TRPM1: variants seen among roughly 807,000 people sequenced by gnomAD.
TRPM1 encodes the protein transient receptor potential cation channel subfamily M member 1, also known as TRPM1-203 APA Isoform, Intron 10.
In TRPM1, 113 loss-of-function variants were observed where a neutral mutation model predicts 149.4. The ratio of observed to expected loss-of-function variants is 0.76; its 90% CI spans 0.65 to 0.88. The LOEUF (loss-of-function observed/expected upper bound fraction) is 0.88. TRPM1 is among the 40% of genes least tolerant of loss of function. The pLI is 0.00. For synonymous variants in TRPM1, 741 were observed against 759.5 expected (o/e 0.98, Z 0.40); for missense variants, 1,976 against 2,038.7 (o/e 0.97, Z 0.59).
intron 1 of TRPM1, among the ~76,000 whole-genome samples, chr15:31,115,684 C>T (rs1253778834): frequency 6.6e-6 from 1 of 151,760 alleles, no homozygotes; most frequent in Non-Finnish European, 1.5e-5. Context: ...TTCCTGTTTC[C>T]AGCAGGGGAT....
intron 3 of TRPM1, among the ~76,000 whole-genome samples, chr15:31,073,122 A>T (rs2034602966): frequency 6.6e-6 from 1 of 152,086 alleles, no homozygotes; most frequent in South Asian, 2.1e-4. Context: ...TTTTCTTCTA[A>T]GAGTTTTATA....
At chr15:31,078,242 G>T (rs1434237148) in intron 2 of TRPM1, among the ~76,000 whole-genome samples, 3 of 152,114 alleles carry the variant, frequency 2.0e-5, no homozygotes, top group African/African-American at 7.2e-5. Context: ...GCTCTGGGAG[G>T]TCCCTTGTCT....
intron 1 of TRPM1, among the ~76,000 whole-genome samples, chr15:31,101,169 TC>T (rs2035507016): frequency 6.6e-6 from 1 of 152,202 alleles, no homozygotes; most frequent in East Asian, 1.9e-4. Flanking sequence ...GTGCACCTTT[TC>T]CCTGAAGCAA....
chr15:31,085,270 C>T (rs917841699), intron 1 of TRPM1, among the ~76,000 whole-genome samples: 2 of 152,194 alleles, frequency 1.3e-5, no homozygotes, highest in African/African-American at 4.8e-5. Context: ...ATGGTTACAT[C>T]CTTGGCATTT....
chr15:31,030,254 A>T (rs969791270), intron 23 of TRPM1, among the ~76,000 whole-genome samples: 1 of 152,248 alleles, frequency 6.6e-6, no homozygotes, highest in Non-Finnish European at 1.5e-5. Context: ...ATTATAGCTG[A>T]TGCTTTATGA....
At chr15:31,078,559 C>T (rs577923980) in intron 2 of TRPM1, among the ~76,000 whole-genome samples, 10 of 152,228 alleles carry the variant, frequency 6.6e-5, no homozygotes, top group South Asian at 4.1e-4. Context: ...AAAACAACAT[C>T]GCTGGCCTCA....
chr15:31,004,917 T>A (rs2031930247), intron 27 of TRPM1, among the ~76,000 whole-genome samples: 1 of 151,834 alleles, frequency 6.6e-6, no homozygotes, highest in Non-Finnish European at 1.5e-5. Context: ...GCCTGGCCAA[T>A]ATGGTGAAAC....
intron 1 of TRPM1, among the ~76,000 whole-genome samples, chr15:31,122,385 A>G (rs1229103973): frequency 6.6e-6 from 1 of 152,256 alleles, no homozygotes; most frequent in Non-Finnish European, 1.5e-5. Flanking sequence ...GAAAGGAAGG[A>G]ATAAAACTGT....
At chr15:31,124,233 C>T (rs944639334) in intron 1 of TRPM1, among the ~76,000 whole-genome samples, 10 of 151,476 alleles carry the variant, frequency 6.6e-5, no homozygotes, top group East Asian at 1.9e-4. Context: ...TGCAGTGAGC[C>T]GAGATCGCGC....
At position 31,047,098 on chromosome 15, in the gene TRPM1, C is replaced by A. The variant is rs1253997900; in HGVS notation, c.1764+13G>T. ...CGCGAACCACAGAACACTACACAGG[C>A]ACTGAGTTCTACCCTCTTTGGTCCA... is the stretch of plus-strand genomic sequence containing the variant. On this transcript the variant is annotated intron_variant, in intron 15 of 27. Transcript: ENST00000256552. 2 of 1,614,112 alleles carry A rather than the reference C, an allele frequency of 1.2e-6. No homozygotes were observed. The highest frequency in any genetic ancestry group is 2.7e-5 in the African/African-American group (2 of 74,930).
In TRPM1 at chr15:31,002,676, A is replaced by T; in HGVS notation, c.4024T>A (p.Cys1342Ser). Residue 1342 changes from cysteine (C) to serine (S), a missense_variant, in exon 28 of 28, where the codon TGT (cysteine) becomes AGT (serine). Cys to Ser is a moderately radical substitution (Grantham distance 112). Coordinates refer to ENST00000256552, the MANE Select transcript of TRPM1 (RefSeq NM_001252024.2). ...AGTGAAAGGTGAAGACTGTTCTGAC[A>T]TTCTGGGACTAGGTGCGTTTTCACG... ...KDVKTHLVPE[C>S]QNSLHLSLGT... The T allele has an allele frequency of 6.2e-7, 1 of 1,614,198 alleles. No homozygotes were observed.
At chr15:31,081,306 CAG>C in intron 2 of TRPM1, 45 bp downstream of exon 2, 1 of 722,372 alleles carries the variant, frequency 1.4e-6, no homozygotes, top group Non-Finnish European at 1.8e-6. Context: ...CGTACTTTCT[CAG>C]GGGGGGAGGG....
At chr15:31,092,866 A>T (rs564530049) in intron 1 of TRPM1, among the ~76,000 whole-genome samples, 3 of 152,366 alleles carry the variant, frequency 2.0e-5, no homozygotes, top group African/African-American at 7.2e-5. Flanking sequence ...AAAAGAAATG[A>T]GTCATCAAAG....
At chr15:31,020,151 C>A (rs2032507471) in intron 27 of TRPM1, among the ~76,000 whole-genome samples, 1 of 152,242 alleles carries the variant, frequency 6.6e-6, no homozygotes, top group Non-Finnish European at 1.5e-5. Context: ...TGGTTATGTT[C>A]TGTTTTCTAT....
Position 31,070,183 on chromosome 15 carries a change from G to C in TRPM1, c.127C>G (p.Pro43Ala). 6.2e-7 allele frequency: 1 copy of C among 1,614,044 alleles called. No homozygotes were observed. Among genetic ancestry groups the C allele is most frequent in the Non-Finnish European group, 8.5e-7 (1 of 1,179,956 alleles). The change falls in exon 4 of 28, where the codon CCA becomes GCA. Residue 43 changes from proline to alanine, a missense_variant. Around this residue, in one of 3 missense-constraint regions of TRPM1, gnomAD observed 1,332 missense variants for 1,347.1 expected, o/e 0.99. Coordinates refer to ENST00000256552, the MANE Select transcript of TRPM1 (RefSeq NM_001252024.2). ...QFTNQHIPPLPSATPSKNEEE... is the reference protein window; with the variant it reads ...QFTNQHIPPLASATPSKNEEE... ...TCATTTTTGCTGGGTGTTGCACTTG[G>C]CAGAGGGGGGATATGCTGGTTGGTG...
chr15:31,069,740 G>A, intron 4 of TRPM1: 1 of 1,430,454 alleles, frequency 7.0e-7, no homozygotes. Context: ...CTTTACTGAA[G>A]ATGGAGCAAT....
intron 1 of TRPM1, among the ~76,000 whole-genome samples, chr15:31,088,605 G>A (rs1028073452): frequency 2.0e-5 from 3 of 152,216 alleles, no homozygotes; most frequent in African/African-American, 7.2e-5. Context: ...CCACCGGAAG[G>A]AAGAAACGTA....
In TRPM1 at chr15:31,119,204, G is replaced by A. The variant is rs551184944; in HGVS notation, c.54+41702C>T. ...TGTGGTGAGCCAAAATCGCACCATC[G>A]CACTCCAGCCTGGGCAACAAGAGTG... On this transcript the variant is annotated intron_variant, in intron 1 of 26. Transcript: ENST00000542188. 9.2e-5 allele frequency among the ~76,000 whole-genome samples: 14 copies of A among 152,030 alleles called. 1 individual carries two copies. Among genetic ancestry groups the A allele is most frequent in the South Asian group, 4.2e-4 (2 of 4,812 alleles).
chr15:31,150,207 G>C (rs2036281003), intron 1 of TRPM1, among the ~76,000 whole-genome samples: 1 of 152,184 alleles, frequency 6.6e-6, no homozygotes. Context: ...TTAAAAGGAG[G>C]TTTCTTTCCT....
Sources: gnomAD v4.1 joint callset for allele counts (sites outside exome capture counted in the v4.1 genomes callset) on GRCh38, gnomAD v4.1.1 for gene constraint, gnomAD v4.1.1 regional missense constraint, MANE v1.5 for transcripts, NCBI Gene and HGNC (gene_info 2026-07-23, HGNC 2026-07-21) for gene names.